The following NPAT variants were observed in gnomAD, a reference collection of about 807,000 sequenced individuals.
NPAT encodes protein NPAT.
A neutral mutation model predicts 130.7 loss-of-function variants in NPAT; 52 were observed. That is an observed-to-expected ratio of 0.40 (90% CI 0.32 to 0.50). The LOEUF (loss-of-function observed/expected upper bound fraction) is 0.50, where lower values mean the gene tolerates loss of function less well. NPAT is among the 20% of genes least tolerant of loss of function. The pLI is 0.68. For synonymous variants in NPAT, 580 were observed against 584.8 expected, an observed-to-expected ratio of 0.99 and a Z score of 0.12; for missense variants, 1,687 against 1,662.6, an observed-to-expected ratio of 1.01 and a Z score of -0.26.
In NPAT at chr11:108,172,582, T is replaced by C; in HGVS notation, c.2402A>G (p.Tyr801Cys). The C allele has an allele frequency of 6.2e-7, 1 of 1,614,224 alleles. No individual in the cohort carries two copies. Among genetic ancestry groups the C allele is most frequent in the South Asian group, 1.1e-5 (1 of 91,084 alleles). Residue 801 changes from tyrosine to cysteine, a missense_variant, in exon 13 of 18, where the codon TAT (tyrosine) becomes TGT (cysteine). By Grantham distance (194) the Tyr-to-Cys change is radical. Coordinates refer to ENST00000278612, the MANE Select transcript of NPAT (RefSeq NM_002519.3). ...SSEETVGAVVYAEVGDSASME... is the reference protein window; with the variant it reads ...SSEETVGAVVCAEVGDSASME... ...TGAGGCTGAATCCCCTACTTCGGCA[T>C]ATACAACAGCACCTACAGTTTCTTC...
At chr11:108,221,162 A>G (rs2078487588) in intron 1 of NPAT, among the ~76,000 whole-genome samples, 2 of 152,136 alleles carry the variant, frequency 1.3e-5, no homozygotes, top group South Asian at 4.1e-4. Context: ...ATATCTAGAG[A>G]CATTTTCACT....
At chr11:108,196,998 G>A (rs112511914) in intron 2 of NPAT, among the ~76,000 whole-genome samples, 2,931 of 152,106 alleles carry the variant, frequency 0.019, 90 homozygotes, top group African/African-American at 0.066. Context: ...TCTAAAAGGA[G>A]CAGCCAGATA....
intron 10 of NPAT, among the ~76,000 whole-genome samples, chr11:108,182,188 T>G (rs145516814): frequency 0.014 from 2,066 of 152,242 alleles, 56 homozygotes; most frequent in African/African-American, 0.046. Flanking sequence ...CAGTGTGCTT[T>G]TTCCCCTTGT....
intron 1 of NPAT, among the ~76,000 whole-genome samples, chr11:108,216,706 T>G (rs558286503): frequency 6.6e-6 from 1 of 152,302 alleles, no homozygotes; most frequent in South Asian, 2.1e-4. Context: ...TACCTCTGTA[T>G]AGCACACACA....
intron 1 of NPAT, among the ~76,000 whole-genome samples, chr11:108,216,873 G>A (rs2078439974): frequency 6.6e-6 from 1 of 152,114 alleles, no homozygotes; most frequent in South Asian, 2.1e-4. Flanking sequence ...TAGATTTGAT[G>A]TATTCTGGTT....
intron 1 of NPAT, among the ~76,000 whole-genome samples, chr11:108,203,997 C>T (rs780088039): frequency 2.0e-5 from 3 of 152,212 alleles, no homozygotes; most frequent in African/African-American, 4.8e-5. Flanking sequence ...GAGCCTCAGA[C>T]GATGGCTCCC....
In NPAT at chr11:108,161,550, T is replaced by G. The variant is rs2077849738; in HGVS notation, c.3536A>C (p.Lys1179Thr). 2 of 1,614,120 alleles carry G rather than the reference T, an allele frequency of 1.2e-6. No homozygotes were observed. The highest frequency in any genetic ancestry group is 2.2e-5 in the South Asian group (2 of 91,082). ...NELCSDVERQ[K>T]NPENSKLSIG... ...AGATAGTTTTGAATTTTCTGGATTT[T>G]TCTGTCTTTCTACATCGCTGCATAA... is the stretch of plus-strand genomic sequence containing the variant. The change falls in exon 17 of 18, where the codon AAA (lysine) becomes ACA (threonine). Residue 1179 changes from lysine to threonine, a missense_variant. Around this residue, in one of 3 missense-constraint regions of NPAT, gnomAD observed 1,379 missense variants for 1,346.6 expected, o/e 1.02. Transcript: ENST00000278612.
chr11:108,184,949 T>C (rs975136670), intron 10 of NPAT, among the ~76,000 whole-genome samples: 3 of 152,228 alleles, frequency 2.0e-5, no homozygotes, highest in Non-Finnish European at 4.4e-5. Flanking sequence ...TACACACAAA[T>C]ATACCCACTA....
At chr11:108,203,265 C>A (rs189794411) in intron 1 of NPAT, among the ~76,000 whole-genome samples, 7 of 152,252 alleles carry the variant, frequency 4.6e-5, no homozygotes, top group Admixed American at 6.5e-5. Context: ...ATCTTTGGCC[C>A]ATTTCCAATA....
At chr11:108,183,816 A>G (rs968171113) in intron 10 of NPAT, among the ~76,000 whole-genome samples, 2 of 151,688 alleles carry the variant, frequency 1.3e-5, no homozygotes, top group African/African-American at 4.8e-5. Flanking sequence ...CCAAACAAAA[A>G]CCAAAAATTA....
At chr11:108,212,904 C>A (rs2078397628) in intron 1 of NPAT, among the ~76,000 whole-genome samples, 1 of 136,406 alleles carries the variant, frequency 7.3e-6, no homozygotes, top group Admixed American at 8.1e-5. Flanking sequence ...CGAGATGGTG[C>A]CATTGCACTC....
intron 10 of NPAT, among the ~76,000 whole-genome samples, chr11:108,180,838 A>G (rs2078051749): frequency 6.6e-6 from 1 of 152,384 alleles, no homozygotes; most frequent in Middle Eastern, 3.4e-3. Flanking sequence ...TGTGGCATAT[A>G]CATTAAATGG....
intron 6 of NPAT, among the ~76,000 whole-genome samples, chr11:108,188,710 T>C (rs1377278908): frequency 6.6e-6 from 1 of 152,228 alleles, no homozygotes; most frequent in African/African-American, 2.4e-5. Flanking sequence ...GCCAGGCATA[T>C]GTAGGATTTC....
At chr11:108,208,776 CAG>C (rs1402719315) in intron 1 of NPAT, among the ~76,000 whole-genome samples, 1 of 152,040 alleles carries the variant, frequency 6.6e-6, no homozygotes, top group African/African-American at 2.4e-5. Context: ...AATAAACAAA[CAG>C]AAAATTTAAA....
At chr11:108,220,856 C>T (rs924781301) in intron 1 of NPAT, among the ~76,000 whole-genome samples, 1 of 152,044 alleles carries the variant, frequency 6.6e-6, no homozygotes, top group Non-Finnish European at 1.5e-5. Flanking sequence ...AAATGAATTG[C>T]GAGGACAACT....
rs187998789 is a variant in NPAT at position 108,173,787 on chromosome 11, C to T, written c.1197G>A (p.Leu399=). The T allele has an allele frequency of 2.5e-6, 4 of 1,614,138 alleles. No individual in the cohort carries two copies. The highest frequency in any genetic ancestry group is 3.4e-6 in the Non-Finnish European group (4 of 1,180,036). The change falls in exon 13 of 18, where the codon TTG becomes TTA. Residue 399 remains leucine (L), a synonymous_variant. Transcript: ENST00000278612. ...SYQNDDPLNA[L]KNSNNHDVLR... Reference sequence around the variant, plus strand: ...GCACATCATGGTTGTTGCTATTCTTCAAAGCATTTAATGGGTCATCATTCT... The same window carrying T: ...GCACATCATGGTTGTTGCTATTCTTTAAAGCATTTAATGGGTCATCATTCT...
intron 3 of NPAT, 53 bp downstream of exon 3, chr11:108,193,904 A>C: frequency 9.6e-7 from 1 of 1,043,628 alleles, no homozygotes; most frequent in Non-Finnish European, 1.5e-6. Context: ...AACTAAATCA[A>C]GTAGATAAAT....
At chr11:108,193,827 C>A in intron 3 of NPAT, 130 bp downstream of exon 3, 1 of 598,296 alleles carries the variant, frequency 1.7e-6, no homozygotes. Context: ...AAATTTATCT[C>A]ATTACAACAG....
In NPAT at chr11:108,161,095, C is replaced by G; in HGVS notation, c.3991G>C (p.Ala1331Pro). 1 of 1,614,114 alleles carries G rather than the reference C, an allele frequency of 6.2e-7. No individual in the cohort carries two copies. The highest frequency in any genetic ancestry group is 8.5e-7 in the Non-Finnish European group (1 of 1,180,026). ...ETGSENSVNM[A>P]AHTLMILSRA... ...GAGAGAATCATTAATGTGTGGGCAG[C>G]CATATTTACACTGTTTTCACTTCCT... Residue 1331 changes from alanine to proline, a missense_variant, in exon 17 of 18, where the codon GCT becomes CCT. By Grantham distance (27) the Ala-to-Pro change is conservative. Transcript: ENST00000278612.
Sources: gnomAD v4.1 joint callset for allele counts (sites outside exome capture counted in the v4.1 genomes callset) on GRCh38, gnomAD v4.1.1 for gene constraint, gnomAD v4.1.1 regional missense constraint, MANE v1.5 for transcripts, NCBI Gene and HGNC (gene_info 2026-07-23, HGNC 2026-07-21) for gene names.